Variants in DUSP12 observed in about 807,000 individuals in gnomAD.
DUSP12 encodes dual specificity protein phosphatase 12.
DUSP12 carries 25 observed loss-of-function variants against 38.9 expected under a neutral mutation model. The ratio of observed to expected loss-of-function variants is 0.64; its 90% CI spans 0.47 to 0.90. The LOEUF (loss-of-function observed/expected upper bound fraction) is 0.90. Among genes scored for constraint, DUSP12 ranks in the 40% least tolerant of loss-of-function variants. The pLI, the probability that DUSP12 is intolerant of heterozygous loss-of-function variation, is 0.00. For synonymous variants in DUSP12, 153 were observed against 153.9 expected, an observed-to-expected ratio of 0.99 and a Z score of 0.05; for missense variants, 403 against 427.0, an observed-to-expected ratio of 0.94 and a Z score of 0.50.
At position 161,749,992 on chromosome 1, in the gene DUSP12, C is replaced by T. The variant is rs555296043; in HGVS notation, c.191C>T (p.Pro64Leu). Residue 64 changes from proline to leucine, a missense_variant, in exon 1 of 6, where the codon CCC becomes CTC. By Grantham distance (98) the Pro-to-Leu change is moderately conservative. Coordinates refer to ENST00000367943, the MANE Select transcript of DUSP12 (RefSeq NM_007240.3). ...TAVLTVDSEE[P>L]SFKAGPGVED... ...GTGCTAACAGTGGACTCGGAGGAGCCCAGCTTCAAGGCGGGGCCTGGGGTC... is the reference window on the plus strand; with the variant it reads ...GTGCTAACAGTGGACTCGGAGGAGCTCAGCTTCAAGGCGGGGCCTGGGGTC... 16 of 1,614,068 alleles carry T rather than the reference C, an allele frequency of 9.9e-6. No homozygotes were observed. Among genetic ancestry groups the T allele is most frequent in the Non-Finnish European group, 1.4e-5 (16 of 1,179,982 alleles).
At chr1:161,754,569 A>C (rs555331170) in intron 5 of DUSP12, among the ~76,000 whole-genome samples, 3 of 152,312 alleles carry the variant, frequency 2.0e-5, no homozygotes, top group Non-Finnish European at 2.9e-5. Context: ...GAAACTTATT[A>C]TCATGGCAGA....
At position 161,753,089 on chromosome 1, in the gene DUSP12, G is replaced by C; in HGVS notation, c.689G>C (p.Arg230Pro). The C allele has an allele frequency of 6.2e-7, 1 of 1,600,146 alleles. No individual in the cohort carries two copies. Among genetic ancestry groups the C allele is most frequent in the Non-Finnish European group, 8.5e-7 (1 of 1,173,500 alleles). The change falls in exon 5 of 6, where the codon CGA becomes CCA. Residue 230 changes from arginine (R) to proline (P), a missense_variant. Arg to Pro is a moderately radical substitution (Grantham distance 103). Coordinates refer to ENST00000367943, the MANE Select transcript of DUSP12 (RefSeq NM_007240.3). ...GGGGGTTGCAGGCGATCATTATTTC[G>C]AAGTTCTAGTATTCTGGATCACCGT... ...KCRKCRRSLF[R>P]SSSILDHREG...
Position 161,756,841 on chromosome 1 carries a change from A to G in DUSP12, c.917A>G (p.Gln306Arg), listed in dbSNP as rs542400759. ...GGTTCCTTCAACTGGTATGGTGAAC[A>G]GTGCTCTTGTGGTAGGTGGATAACA... ...KLGSFNWYGE[Q>R]CSCGRWITPA... is the part of the protein sequence containing the mutation. The change falls in exon 6 of 6, where the codon CAG becomes CGG. Residue 306 changes from glutamine to arginine, a missense_variant. Physicochemically the swap from Gln to Arg is conservative, Grantham distance 43. Coordinates refer to ENST00000367943, the MANE Select transcript of DUSP12 (RefSeq NM_007240.3). 3.1e-6 allele frequency: 5 copies of G among 1,613,782 alleles called. No individual in the cohort carries two copies. The African/African-American group carries it at 6.7e-5, about 22-fold the overall frequency.
In DUSP12 at chr1:161,749,841, A is replaced by G; in HGVS notation, c.40A>G (p.Ser14Gly). 1 of 1,599,554 alleles carries G rather than the reference A, an allele frequency of 6.3e-7. No homozygotes were observed. Among genetic ancestry groups the G allele is most frequent in the South Asian group, 1.1e-5 (1 of 89,224 alleles). ...GGGCCCGAGTGATGGCTGCGAGCTC[A>G]GCAACCCCAGCGCCAGCAGAGTCAG... ...APGPSDGCELSNPSASRVSCA... is the reference protein window; with the variant it reads ...APGPSDGCELGNPSASRVSCA... Residue 14 changes from serine (S) to glycine (G), a missense_variant, in exon 1 of 6, where the codon AGC (serine) becomes GGC (glycine). Coordinates refer to ENST00000367943, the MANE Select transcript of DUSP12 (RefSeq NM_007240.3).
chr1:161,752,597 AAG>A (rs1321732190), intron 4 of DUSP12, 133 bp downstream of exon 4: 2 of 621,486 alleles, frequency 3.2e-6, no homozygotes, highest in African/African-American at 1.9e-5. Flanking sequence ...TGTTTTCAGA[AAG>A]AATATAAATT....
rs146495672 is a variant in DUSP12 at position 161,749,946 on chromosome 1, A to T, written c.145A>T (p.Arg49Trp). 5.5e-4 allele frequency: 881 copies of T among 1,613,914 alleles called. 7 individuals carry two copies. In the African/African-American group the frequency reaches 0.011, roughly 19 times the overall value. The change falls in exon 1 of 6, where the codon AGG becomes TGG. Residue 49 changes from arginine (R) to tryptophan (W), a missense_variant. Physicochemically the swap from Arg to Trp is moderately radical, Grantham distance 101. Transcript: ENST00000367943. Reference protein sequence around the residue: ...AAAVAEPDHLREAGITAVLTV... With the variant: ...AAAVAEPDHLWEAGITAVLTV... ...GGCCGTCGCGGAGCCAGATCACCTG[A>T]GGGAAGCGGGCATCACGGCCGTGCT... is the stretch of plus-strand genomic sequence containing the variant.
At chr1:161,755,065 G>A (rs1030837223) in intron 5 of DUSP12, among the ~76,000 whole-genome samples, 7 of 152,086 alleles carry the variant, frequency 4.6e-5, no homozygotes, top group Non-Finnish European at 8.8e-5. Flanking sequence ...CCTGACCTCA[G>A]GTAATCCACC....
At position 161,749,924 on chromosome 1, in the gene DUSP12, C is replaced by G; in HGVS notation, c.123C>G (p.Ala41=). The G allele has an allele frequency of 6.2e-7, 1 of 1,613,866 alleles. No homozygotes were observed. Among genetic ancestry groups the G allele is most frequent in the Non-Finnish European group, 8.5e-7 (1 of 1,179,848 alleles). The change falls in exon 1 of 6, where the codon GCC becomes GCG. Residue 41 remains alanine, a synonymous_variant. Coordinates refer to ENST00000367943, the MANE Select transcript of DUSP12 (RefSeq NM_007240.3). The part of the protein sequence containing the change: ...QPGLYFGGAA[A]VAEPDHLREA... The stretch of plus-strand genomic sequence containing the variant: ...GATTGTATTTCGGTGGGGCCGCGGC[C>G]GTCGCGGAGCCAGATCACCTGAGGG...
rs765748666 is a variant in DUSP12, at chr1:161,753,079, T to G, written c.679T>G (p.Ser227Ala). 5.6e-6 allele frequency: 9 copies of G among 1,600,160 alleles called. No homozygotes were observed. The highest frequency in any genetic ancestry group is 7.7e-6 in the Non-Finnish European group (9 of 1,172,940). Residue 227 changes from serine (S) to alanine (A), a missense_variant, in exon 5 of 6, where the codon TCA (serine) becomes GCA (alanine). By Grantham distance (99) the Ser-to-Ala change is moderately conservative. Coordinates refer to ENST00000367943, the MANE Select transcript of DUSP12 (RefSeq NM_007240.3). The part of the protein sequence containing the change: ...VLYKCRKCRR[S>A]LFRSSSILDH... Reference sequence around the variant, plus strand: ...TTGTTTGTTTGGGGGTTGCAGGCGATCATTATTTCGAAGTTCTAGTATTCT... The same window carrying G: ...TTGTTTGTTTGGGGGTTGCAGGCGAGCATTATTTCGAAGTTCTAGTATTCT...
intron 1 of DUSP12, among the ~76,000 whole-genome samples, chr1:161,750,493 G>A (rs1409816235): frequency 6.6e-6 from 1 of 152,228 alleles, no homozygotes; most frequent in Admixed American, 6.5e-5. Context: ...AGATTAGGTT[G>A]CTTGGTGTCT....
At chr1:161,754,867 G>A (rs1333415256) in intron 5 of DUSP12, among the ~76,000 whole-genome samples, 2 of 151,978 alleles carry the variant, frequency 1.3e-5, no homozygotes, top group Admixed American at 1.3e-4. Flanking sequence ...TTTCACTCTT[G>A]TTGCCCAGGC....
intron 3 of DUSP12, 69 bp downstream of exon 3, chr1:161,752,053 C>T: frequency 1.9e-6 from 2 of 1,055,684 alleles, no homozygotes; most frequent in Non-Finnish European, 2.8e-6. Flanking sequence ...TATGCTTTAC[C>T]TTACTTCCAG....
At position 161,753,094 on chromosome 1, in the gene DUSP12, T is replaced by C. The variant is rs1684052673; in HGVS notation, c.694T>C (p.Ser232Pro). 3.7e-6 allele frequency: 6 copies of C among 1,607,262 alleles called. No individual in the cohort carries two copies. Among genetic ancestry groups the C allele is most frequent in the Non-Finnish European group, 5.1e-6 (6 of 1,177,322 alleles). The change falls in exon 5 of 6, where the codon TCT (serine) becomes CCT (proline). Residue 232 changes from serine (S) to proline (P), a missense_variant. Ser to Pro is a moderately conservative substitution (Grantham distance 74). Transcript: ENST00000367943. ...TTGCAGGCGATCATTATTTCGAAGTTCTAGTATTCTGGATCACCGTGAAGG... is the reference window on the plus strand; with the variant it reads ...TTGCAGGCGATCATTATTTCGAAGTCCTAGTATTCTGGATCACCGTGAAGG... ...RKCRRSLFRS[S>P]SILDHREGSG...
chr1:161,750,829 G>A (rs1684007975), intron 1 of DUSP12, among the ~76,000 whole-genome samples: 1 of 152,136 alleles, frequency 6.6e-6, no homozygotes, highest in Non-Finnish European at 1.5e-5. Flanking sequence ...GGAGGCTGAG[G>A]CAGGAGAATC....
chr1:161,755,043 T>G (rs1351341014), intron 5 of DUSP12, among the ~76,000 whole-genome samples: 2 of 152,206 alleles, frequency 1.3e-5, no homozygotes, highest in Admixed American at 1.3e-4. Context: ...TTGGTCAGGC[T>G]GGTCTCGAAC....
At chr1:161,754,729 A>G (rs752654340) in intron 5 of DUSP12, among the ~76,000 whole-genome samples, 13 of 152,158 alleles carry the variant, frequency 8.5e-5, no homozygotes, top group Non-Finnish European at 1.6e-4. Flanking sequence ...CCATGATCCA[A>G]TCACCTCTCT....
chr1:161,754,190 C>T (rs1284308110), intron 5 of DUSP12, among the ~76,000 whole-genome samples: 1 of 152,052 alleles, frequency 6.6e-6, no homozygotes, highest in African/African-American at 2.4e-5. Context: ...CTGTATTATA[C>T]CATTTGAAGA....
intron 1 of DUSP12, among the ~76,000 whole-genome samples, chr1:161,750,885 A>G (rs1024315300): frequency 3.3e-5 from 5 of 152,166 alleles, no homozygotes; most frequent in African/African-American, 1.2e-4. Flanking sequence ...AGGTCATGCC[A>G]CAGCACTCCA....
At position 161,751,346 on chromosome 1, in the gene DUSP12, C is replaced by T. The variant is rs548623736; in HGVS notation, c.345-322C>T. 6 of 187,956 alleles carry T rather than the reference C, an allele frequency of 3.2e-5. No homozygotes were observed. The East Asian group carries it at 7.0e-4, about 22-fold the overall frequency. The allele number at this position is 187,956 out of a possible 1,614,324, so 11.6% of individuals were successfully genotyped here. A position where few individuals can be genotyped will look rare whatever the true frequency, so the allele number is the denominator to read the frequency against. On this transcript the variant is annotated intron_variant, in intron 1 of 5. Coordinates refer to ENST00000367943, the MANE Select transcript of DUSP12 (RefSeq NM_007240.3). ...TTGGACTCAACCAATCCTCTCACCT[C>T]GCCTCCCAAAGTGCTGGGATTTCAG...
Sources: allele counts gnomAD v4.1 joint callset (sites outside exome capture counted in the v4.1 genomes callset), GRCh38; gene constraint gnomAD v4.1.1; transcripts MANE v1.5; gene names NCBI Gene and HGNC (gene_info 2026-07-23, HGNC 2026-07-21).